Variants in TENM4 observed in about 807,000 individuals in gnomAD.
TENM4 encodes teneurin-4.
In TENM4, 82 loss-of-function variants were observed where a neutral mutation model predicts 243.3. The ratio of observed to expected loss-of-function variants is 0.34; its 90% CI spans 0.28 to 0.40. The LOEUF is 0.40. TENM4 is among the 10% of genes least tolerant of loss of function. TENM4 has a pLI of 1.00. For synonymous variants in TENM4, 1,412 were observed against 1,456.3 expected (o/e 0.97, Z 0.69); for missense variants, 3,138 against 3,673.3 (o/e 0.85, Z 3.77).
At chr11:78,922,881 G>T (rs1043593858) in intron 6 of TENM4, among the ~76,000 whole-genome samples, 2 of 152,180 alleles carry the variant, frequency 1.3e-5, no homozygotes, top group African/African-American at 4.8e-5. Flanking sequence ...TATGATGCTA[G>T]CCTCCAGCCA....
chr11:79,435,576 T>G (rs944733369), intron 1 of TENM4, among the ~76,000 whole-genome samples: 7 of 152,202 alleles, frequency 4.6e-5, no homozygotes, highest in Non-Finnish European at 8.8e-5. Flanking sequence ...CTATTCTTCT[T>G]TTGTTTAACT....
At chr11:79,161,629 C>A (rs1234582101) in intron 3 of TENM4, among the ~76,000 whole-genome samples, 2 of 152,142 alleles carry the variant, frequency 1.3e-5, no homozygotes, top group Admixed American at 6.5e-5. Flanking sequence ...GGAGTGGATT[C>A]TCTCAGAGCC....
chr11:78,937,441 A>G (rs1320195961), intron 6 of TENM4, among the ~76,000 whole-genome samples: 3 of 152,198 alleles, frequency 2.0e-5, no homozygotes, highest in Non-Finnish European at 4.4e-5. Flanking sequence ...ATCACAGTGC[A>G]CATTAGCTAA....
chr11:78,823,631 AG>A (rs577942463), intron 12 of TENM4, among the ~76,000 whole-genome samples: 162 of 152,298 alleles, frequency 1.1e-3, no homozygotes, highest in South Asian at 4.8e-3. Context: ...CACTGCAGCA[AG>A]ACCAGCAGTG....
At chr11:78,946,985 C>T (rs868248403) in intron 6 of TENM4, among the ~76,000 whole-genome samples, 3 of 152,096 alleles carry the variant, frequency 2.0e-5, no homozygotes, top group African/African-American at 7.2e-5. Flanking sequence ...GAAATGACTG[C>T]AAAGAATTTA....
intron 2 of TENM4, among the ~76,000 whole-genome samples, chr11:79,252,517 G>A (rs935376703): frequency 2.0e-5 from 3 of 152,174 alleles, no homozygotes; most frequent in Non-Finnish European, 4.4e-5. Flanking sequence ...GATTACAGGC[G>A]TGAGCCACTG....
chr11:79,197,356 A>G (rs114715755), intron 3 of TENM4, among the ~76,000 whole-genome samples: 4 of 99,110 alleles, frequency 4.0e-5, no homozygotes, highest in African/African-American at 1.2e-4. Flanking sequence ...TTTTTTTTAA[A>G]AAGCCCCTGC....
intron 2 of TENM4, among the ~76,000 whole-genome samples, chr11:79,285,253 A>G (rs201391993): frequency 0.2 from 17,081 of 85,678 alleles, 952 homozygotes; most frequent in East Asian, 0.34. Flanking sequence ...ATAAATAAAT[A>G]AAAAAAAAGA....
chr11:79,224,889 T>C (rs1864232946), intron 2 of TENM4, among the ~76,000 whole-genome samples: 1 of 151,610 alleles, frequency 6.6e-6, no homozygotes, highest in Non-Finnish European at 1.5e-5. Context: ...AGGCAGAGGA[T>C]GCAGTGAGCA....
At chr11:79,283,838 GA>G (rs1162276340) in intron 2 of TENM4, among the ~76,000 whole-genome samples, 4 of 152,114 alleles carry the variant, frequency 2.6e-5, no homozygotes, top group African/African-American at 9.7e-5. Context: ...AGAGCTATTA[GA>G]ATAAACAAGT....
intron 4 of TENM4, among the ~76,000 whole-genome samples, chr11:79,127,599 C>T (rs986943617): frequency 6.6e-6 from 1 of 152,212 alleles, no homozygotes; most frequent in Non-Finnish European, 1.5e-5. Context: ...TGTCCTACCT[C>T]AGGGGTATAT....
At chr11:79,003,589 T>C (rs1391905968) in intron 6 of TENM4, among the ~76,000 whole-genome samples, 2 of 152,102 alleles carry the variant, frequency 1.3e-5, no homozygotes, top group Non-Finnish European at 2.9e-5. Flanking sequence ...ACTTTTCAGA[T>C]AAGCAAATGG....
chr11:79,024,967 A>G (rs142739562), intron 6 of TENM4, among the ~76,000 whole-genome samples: 18 of 152,312 alleles, frequency 1.2e-4, no homozygotes, highest in Admixed American at 3.9e-4. Context: ...AAGGGGGAAG[A>G]TGTTAGGATA....
intron 4 of TENM4, among the ~76,000 whole-genome samples, chr11:79,137,995 G>C (rs777341046): frequency 3.9e-5 from 6 of 152,042 alleles, no homozygotes; most frequent in African/African-American, 7.2e-5. Context: ...GTGTGTGTGT[G>C]AGGGTGTTGC....
rs76357949 is a variant in TENM4 at position 78,857,194 on chromosome 11, A to G, written c.1256-1016T>C. On this transcript the variant is annotated intron_variant, in intron 10 of 33. Coordinates refer to ENST00000278550, the MANE Select transcript of TENM4 (RefSeq NM_001098816.3). The stretch of plus-strand genomic sequence containing the variant: ...ACCCTTAGCACACTGAAAGACCAGC[A>G]TCAAGTCAACAGGCTGTATTTTATT... Among the ~76,000 whole-genome samples the G allele has an allele frequency of 2.1e-3, 320 of 152,338 alleles. 1 individual carries two copies. The highest frequency in any genetic ancestry group is 0.017 in the Middle Eastern group (5 of 294).
At chr11:78,661,657 T>G in intron 32 of TENM4, 66 bp from the exon 33 acceptor site, 1 of 1,574,026 alleles carries the variant, frequency 6.4e-7, no homozygotes, top group South Asian at 1.2e-5. Flanking sequence ...CCCATCCCCA[T>G]CTCACAGCCT....
rs879863831 is a variant in TENM4 at position 78,744,074 on chromosome 11, T to A, written c.2757-5504A>T. 2.6e-5 allele frequency among the ~76,000 whole-genome samples: 4 copies of A among 152,370 alleles called. No homozygotes were observed. In the East Asian group the frequency reaches 5.8e-4, roughly 22 times the overall value. On this transcript the variant is annotated intron_variant, in intron 19 of 33. Transcript: ENST00000278550. The stretch of plus-strand genomic sequence containing the variant: ...CTAACTTCTGCTGATTGAATGGGGA[T>A]CTTTCCAGCATCTACTACAATTTAC...
intron 1 of TENM4, among the ~76,000 whole-genome samples, chr11:79,393,802 C>T (rs374251062): frequency 2.6e-5 from 4 of 152,166 alleles, no homozygotes; most frequent in Admixed American, 6.5e-5. Flanking sequence ...GGATGCAGTG[C>T]GTGCTACAGT....
intron 6 of TENM4, among the ~76,000 whole-genome samples, chr11:79,024,672 C>T (rs1477288074): frequency 1.3e-5 from 2 of 152,152 alleles, no homozygotes; most frequent in African/African-American, 2.4e-5. Context: ...CTCTAGCATA[C>T]CCCTGGGCAT....
Sources: allele counts gnomAD v4.1 joint callset (sites outside exome capture counted in the v4.1 genomes callset), GRCh38; gene constraint gnomAD v4.1.1; transcripts MANE v1.5; gene names NCBI Gene and HGNC (gene_info 2026-07-23, HGNC 2026-07-21).